Variants in CDH4 observed in about 807,000 individuals in gnomAD.
The protein encoded by CDH4 is cadherin-4.
Under a neutral mutation model 86.0 loss-of-function variants are expected in CDH4, and 33 were observed. The observed-to-expected ratio is 0.38, with a 90% confidence interval of 0.29 to 0.51. The LOEUF (loss-of-function observed/expected upper bound fraction) is 0.51, where lower values mean the gene tolerates loss of function less well. Ranked by LOEUF, CDH4 falls within the 20% of genes least tolerant of loss-of-function variation. CDH4 has a pLI of 0.86. For missense variants in CDH4, 1,114 were observed against 1,307.4 expected, an observed-to-expected ratio of 0.85 and a Z score of 2.28; for synonymous variants, 555 against 549.4, an observed-to-expected ratio of 1.01 and a Z score of -0.14.
chr20:61,834,271 C>G (rs1333228138), intron 4 of CDH4, among the ~76,000 whole-genome samples: 1 of 152,252 alleles, frequency 6.6e-6, no homozygotes, highest in Non-Finnish European at 1.5e-5. Context: ...CTTGCCCCCC[C>G]TCACTCAGCT....
intron 2 of CDH4, among the ~76,000 whole-genome samples, chr20:61,624,553 G>T (rs73917317): frequency 6.6e-6 from 1 of 152,214 alleles, no homozygotes; most frequent in Non-Finnish European, 1.5e-5. Flanking sequence ...GGCCTCCAAG[G>T]CCAGGCAGCC....
At position 61,676,952 on chromosome 20, in the gene CDH4, C is replaced by T. The variant is rs2087450809; in HGVS notation, c.170-66611C>T. Among the ~76,000 whole-genome samples, 1 of 152,120 alleles carries T rather than the reference C, an allele frequency of 6.6e-6. No individual in the cohort carries two copies. Among genetic ancestry groups the T allele is most frequent in the African/African-American group, 2.4e-5 (1 of 41,436 alleles). ...CCAGGCTGCAGTGGGACCAGCGGTC[C>T]AAGACCTTGGGGCAGGAGGGGCTGT... On this transcript the variant is annotated intron_variant, in intron 2 of 15. Transcript: ENST00000614565. This position sits in a 1 kb window ranked among gnomAD's most constrained non-coding sequence, Gnocchi z 4.5.
intron 2 of CDH4, among the ~76,000 whole-genome samples, chr20:61,600,544 C>T (rs990011033): frequency 4.6e-5 from 7 of 152,256 alleles, no homozygotes; most frequent in African/African-American, 1.4e-4. Flanking sequence ...AATGAATGCC[C>T]GCAACTCACC....
chr20:61,527,885 A>ACC (rs926960586), intron 2 of CDH4, among the ~76,000 whole-genome samples: 1 of 151,744 alleles, frequency 6.6e-6, no homozygotes, highest in African/African-American at 2.4e-5. Flanking sequence ...TGTTCCCAGA[A>ACC]CCCGGGGCAC....
intron 2 of CDH4, among the ~76,000 whole-genome samples, chr20:61,601,759 G>T (rs1355136837): frequency 6.6e-6 from 1 of 152,246 alleles, no homozygotes; most frequent in Admixed American, 6.5e-5. Context: ...GGAGATGGAT[G>T]CATTCCCTTC....
At chr20:61,636,981 C>T (rs1268328842) in intron 2 of CDH4, among the ~76,000 whole-genome samples, 2 of 152,186 alleles carry the variant, frequency 1.3e-5, no homozygotes, top group Non-Finnish European at 2.9e-5. Context: ...ATCCACCCCT[C>T]GGCGTGCAGA....
chr20:61,305,354 A>G (rs1367883699), intron 2 of CDH4, among the ~76,000 whole-genome samples: 1 of 152,044 alleles, frequency 6.6e-6, no homozygotes, highest in African/African-American at 2.4e-5. Context: ...GCATCTAGTG[A>G]TCAGTGTGCT....
intron 2 of CDH4, chr20:61,719,707 G>C (rs150173173): frequency 6.5e-6 from 1 of 153,796 alleles, no homozygotes; most frequent in South Asian, 2.0e-4. Flanking sequence ...TGTCTCTCTC[G>C]AGGTGTTTCC....
chr20:61,353,611 C>CCCCCCCCCCCCA (rs1568810186), intron 2 of CDH4, among the ~76,000 whole-genome samples: 1 of 10,388 alleles, frequency 9.6e-5, no homozygotes, highest in Admixed American at 9.5e-4. Flanking sequence ...CCACTTCCTC[C>CCCCCCCCCCCCA]TCTTCCTCCT....
At chr20:61,408,184 C>T (rs1276467270) in intron 2 of CDH4, among the ~76,000 whole-genome samples, 1 of 152,184 alleles carries the variant, frequency 6.6e-6, no homozygotes, top group Non-Finnish European at 1.5e-5. Context: ...ACACTTCATG[C>T]TCACCCAGGC....
At chr20:61,527,562 T>A (rs2085919863) in intron 2 of CDH4, among the ~76,000 whole-genome samples, 1 of 152,228 alleles carries the variant, frequency 6.6e-6, no homozygotes, top group East Asian at 1.9e-4. Context: ...TATATTTTTT[T>A]AAGCATAGCA....
intron 4 of CDH4, among the ~76,000 whole-genome samples, chr20:61,788,780 C>T (rs1979015138): frequency 6.6e-6 from 1 of 152,208 alleles, no homozygotes; most frequent in African/African-American, 2.4e-5. Context: ...AAAGACCTGA[C>T]TTCAGCTCAG....
chr20:61,491,664 C>T (rs1364537182), intron 2 of CDH4, among the ~76,000 whole-genome samples: 1 of 152,140 alleles, frequency 6.6e-6, no homozygotes, highest in Non-Finnish European at 1.5e-5. Context: ...CCTCTGTTTT[C>T]GTTGGTGGTA....
intron 2 of CDH4, among the ~76,000 whole-genome samples, chr20:61,358,321 G>T (rs939262595): frequency 4.6e-5 from 7 of 152,180 alleles, no homozygotes; most frequent in African/African-American, 1.7e-4. Flanking sequence ...CAAGCCTTGT[G>T]CCCTGCACAC....
At chr20:61,311,619 TTTGTGTTTGTG>T (rs1482299719) in intron 2 of CDH4, among the ~76,000 whole-genome samples, 1 of 152,214 alleles carries the variant, frequency 6.6e-6, no homozygotes, top group Non-Finnish European at 1.5e-5. Context: ...TTAAGCAAAG[TTTGTGTTTGTG>T]TTAATTTTCT....
At chr20:61,479,768 T>C (rs1243761234) in intron 2 of CDH4, among the ~76,000 whole-genome samples, 1 of 152,180 alleles carries the variant, frequency 6.6e-6, no homozygotes, top group East Asian at 1.9e-4. Flanking sequence ...AAAATCGTGG[T>C]CATGATTCCA....
chr20:61,425,374 G>A (rs185078702), intron 2 of CDH4, among the ~76,000 whole-genome samples: 245 of 151,940 alleles, frequency 1.6e-3, no homozygotes, highest in Admixed American at 4.3e-3. Context: ...CCAAGGGAGA[G>A]CCAGGACAGA....
In CDH4 at chr20:61,692,265, ATG is replaced by A. The variant is rs1285378544; in HGVS notation, c.170-51292_170-51291del. On this transcript the variant is annotated intron_variant, in intron 2 of 15. Coordinates refer to ENST00000614565, the MANE Select transcript of CDH4 (RefSeq NM_001794.5). ...TATGTGTGTGTATGTGTGTGTCTGTATGTGTGTCTTTGTGTGTGTGTGTGTGT... is the reference window on the plus strand; with the variant it reads ...TATGTGTGTGTATGTGTGTGTCTGTATGTGTCTTTGTGTGTGTGTGTGTGT... 5.4e-5 allele frequency among the ~76,000 whole-genome samples: 8 copies of A among 149,084 alleles called. No homozygotes were observed. The East Asian group carries it at 9.9e-4, about 18-fold the overall frequency.
In CDH4 at chr20:61,565,170, G is replaced by GGGT. The variant is rs1345477009; in HGVS notation, c.170-178377_170-178375dup. Among the ~76,000 whole-genome samples, 7 of 127,242 alleles carry GGGT rather than the reference G, an allele frequency of 5.5e-5. 1 individual carries two copies. The highest frequency in any genetic ancestry group is 2.3e-4 in the Admixed American group (3 of 12,840). 83.5% of individuals were successfully genotyped at this position (127,242 alleles called of 152,430 possible). ...GTTGGTAGTGGTCCTCTTGGTGATG[G>GGGT]GGTGGTGGTGGTGGTGGTCCTCTTG... On this transcript the variant is annotated intron_variant, in intron 2 of 15. Transcript: ENST00000614565.
Sources: gnomAD v4.1 joint callset for allele counts (sites outside exome capture counted in the v4.1 genomes callset) on GRCh38, gnomAD v4.1.1 for gene constraint, Gnocchi (gnomAD v3.1) non-coding constraint, MANE v1.5 for transcripts, NCBI Gene and HGNC (gene_info 2026-07-23, HGNC 2026-07-21) for gene names.